TEN1: variants seen among roughly 807,000 people sequenced by gnomAD.
The protein encoded by TEN1 is CST complex subunit TEN1.
In TEN1, 6 loss-of-function variants were observed where a neutral mutation model predicts 9.3. The ratio of observed to expected loss-of-function variants is 0.65; its 90% CI spans 0.35 to 1.27. The LOEUF is 1.27. TEN1 is among the 50% of genes most tolerant of loss of function. TEN1 has a pLI of 0.03. For missense variants in TEN1, 149 were observed against 158.2 expected, an observed-to-expected ratio of 0.94 and a Z score of 0.31; for synonymous variants, 65 against 65.6, an observed-to-expected ratio of 0.99 and a Z score of 0.04.
chr17:75,993,767 C>T (rs914295196), intron 3 of TEN1, among the ~76,000 whole-genome samples: 11 of 152,010 alleles, frequency 7.2e-5, no homozygotes, highest in East Asian at 1.9e-4. Context: ...GAGGCCGAGG[C>T]GGGCGGATCT....
chr17:76,000,485 T>C lies in TEN1; in HGVS notation c.*223T>C. 1 of 649,866 alleles carries C rather than the reference T, an allele frequency of 1.5e-6. No homozygotes were observed. The highest frequency in any genetic ancestry group is 2.4e-5 in the South Asian group (1 of 41,546). The allele number at this position is 649,866 out of a possible 1,614,324, so 40.3% of individuals were successfully genotyped here. On this transcript the variant is annotated 3_prime_UTR_variant, in exon 4 of 4. Transcript: ENST00000397640. The surrounding 1 kb of genome is among the most constrained non-coding windows in gnomAD (Gnocchi z 5.9). ...ATCCGACAGCCCCACCCCAGGAGAC[T>C]GCAGGTGGCCGAGCTTGGGCGCCGG...
In TEN1 at chr17:75,991,468, T is replaced by C; in HGVS notation, c.95T>C (p.Leu32Ser). 1 of 1,552,316 alleles carries C rather than the reference T, an allele frequency of 6.4e-7. No individual in the cohort carries two copies. The highest frequency in any genetic ancestry group is 8.7e-7 in the Non-Finnish European group (1 of 1,147,112). ...ATTGCATTTCTTCTGCCTTCCAGGT[T>C]GTGCCTCTATGACATGATTCAGTCC... ...DGSTLRTFGR[L>S]CLYDMIQSRV... The change falls in exon 3 of 4, where the codon TTG becomes TCG. Residue 32 changes from leucine to serine, a missense_variant and splice_region_variant. By Grantham distance (145) the Leu-to-Ser change is moderately radical. Coordinates refer to ENST00000397640, the MANE Select transcript of TEN1 (RefSeq NM_001113324.3).
intron 1 of TEN1, among the ~76,000 whole-genome samples, chr17:75,981,409 A>C (rs1353084507): frequency 6.6e-6 from 1 of 151,310 alleles, no homozygotes; most frequent in African/African-American, 2.4e-5. Flanking sequence ...CTGGTCTCCA[A>C]CTCCTGGCCT....
chr17:75,986,223 C>A lies in TEN1; in HGVS notation c.31C>A (p.Leu11Ile). Reference protein sequence around the residue: MMLPKPGTYYLPWEVSAGQVP... With the variant: MMLPKPGTYYIPWEVSAGQVP... The stretch of plus-strand genomic sequence containing the variant: ...GCTGCCCAAACCTGGGACCTATTAC[C>A]TCCCCTGGGAGGTTAGTGCAGGCCA... Residue 11 changes from leucine to isoleucine, a missense_variant, in exon 2 of 4, where the codon CTC becomes ATC. Coordinates refer to ENST00000397640, the MANE Select transcript of TEN1 (RefSeq NM_001113324.3). The A allele has an allele frequency of 6.5e-7, 1 of 1,549,510 alleles. No homozygotes were observed. Among genetic ancestry groups the A allele is most frequent in the South Asian group, 1.2e-5 (1 of 83,652 alleles).
At chr17:75,988,133 G>T (rs1230590699) in intron 2 of TEN1, among the ~76,000 whole-genome samples, 1 of 148,260 alleles carries the variant, frequency 6.7e-6, no homozygotes, top group Non-Finnish European at 1.5e-5. Flanking sequence ...CCAGCTATTC[G>T]GGAGGCTGAG....
At chr17:75,991,165 A>AAG (rs1555621609) in intron 2 of TEN1, among the ~76,000 whole-genome samples, 3 of 150,000 alleles carry the variant, frequency 2.0e-5, no homozygotes, top group African/African-American at 4.9e-5. Flanking sequence ...AAAAAAAAAA[A>AAG]AAAGAAAAAA....
In TEN1 at chr17:76,000,342, C is replaced by T. The variant is rs550788253; in HGVS notation, c.*80C>T. On this transcript the variant is annotated 3_prime_UTR_variant, in exon 4 of 4. Transcript: ENST00000397640. The surrounding 1 kb of genome is among the most constrained non-coding windows in gnomAD (Gnocchi z 5.9). ...CTGCAGGAGCCCGGGAGAGCACAGA[C>T]GCCTCCCCAGCGACGGCCTTGTCTG... is the stretch of plus-strand genomic sequence containing the variant. 58 of 1,467,394 alleles carry T rather than the reference C, an allele frequency of 4.0e-5. No individual in the cohort carries two copies. The East Asian group carries it at 6.9e-4, about 17-fold the overall frequency. 90.9% of individuals were successfully genotyped at this position (1,467,394 alleles called of 1,614,324 possible).
chr17:75,979,245 G>C lies in TEN1; in HGVS notation c.-273G>C, dbSNP rs2066092952. On this transcript the variant is annotated 5_prime_UTR_variant, in exon 1 of 4. Coordinates refer to ENST00000397640, the MANE Select transcript of TEN1 (RefSeq NM_001113324.3). ...GCCCCTTCTTTCTCCGTGGCCCTTT[G>C]GCGCGTGAGTGACAGCGGCCCAGAC... The C allele has an allele frequency of 7.9e-6, 7 of 884,248 alleles. No individual in the cohort carries two copies. Among genetic ancestry groups the C allele is most frequent in the Non-Finnish European group, 1.2e-5 (7 of 564,866 alleles). The allele number at this position is 884,248 out of a possible 1,614,324, so 54.8% of individuals were successfully genotyped here.
At chr17:75,985,836 C>CT (rs923740929) in intron 1 of TEN1, among the ~76,000 whole-genome samples, 27 of 145,640 alleles carry the variant, frequency 1.9e-4, no homozygotes, top group Middle Eastern at 3.5e-3. Flanking sequence ...GTTTTTTTTT[C>CT]TTTTTTTTTT....
At chr17:75,991,149 C>CAAAAAAAAAAAAAAAAAAAAAAA (rs71361699) in intron 2 of TEN1, among the ~76,000 whole-genome samples, 35 of 69,988 alleles carry the variant, frequency 5.0e-4, no homozygotes, top group Non-Finnish European at 6.1e-4. Context: ...GACTCCATCT[C>CAAAAAAAAAAAAAAAAAAAAAAA]AAAAAAAAAA....
At position 75,991,568 on chromosome 17, in the gene TEN1, C is replaced by T. The variant is rs1007756493; in HGVS notation, c.195C>T (p.Phe65=). The change falls in exon 3 of 4, where the codon TTC becomes TTT. Residue 65 remains phenylalanine, a synonymous_variant. Coordinates refer to ENST00000397640, the MANE Select transcript of TEN1 (RefSeq NM_001113324.3). The part of the protein sequence containing the change: ...VLVCTKLVEP[F]HAQVGSLYIV... ...TCTGTACCAAGTTGGTGGAGCCCTT[C>T]CACGCCCAGGTGGGCTCCCTGTACA... 2.6e-6 allele frequency: 4 copies of T among 1,552,226 alleles called. No homozygotes were observed. Among genetic ancestry groups the T allele is most frequent in the Middle Eastern group, 1.7e-4 (1 of 5,994 alleles).
At chr17:75,999,826 T>A (rs1411026996) in intron 3 of TEN1, among the ~76,000 whole-genome samples, 1 of 152,018 alleles carries the variant, frequency 6.6e-6, no homozygotes, top group African/African-American at 2.4e-5. Flanking sequence ...TCTCTTGGAT[T>A]TTTAAAATAT....
At chr17:75,988,561 C>CA (rs1189354019) in intron 2 of TEN1, among the ~76,000 whole-genome samples, 9,048 of 28,812 alleles carry the variant, frequency 0.31, 1,978 homozygotes, top group African/African-American at 0.38. Context: ...GATCCTGCCT[C>CA]AAAAAAAAAA....
intron 1 of TEN1, among the ~76,000 whole-genome samples, chr17:75,981,938 A>T (rs567105807): frequency 6.6e-6 from 1 of 152,292 alleles, no homozygotes; most frequent in African/African-American, 2.4e-5. Flanking sequence ...GAGGCAGGAG[A>T]ATCGCTTGAA....
At chr17:75,997,607 T>G (rs2066225429) in intron 3 of TEN1, among the ~76,000 whole-genome samples, 1 of 152,130 alleles carries the variant, frequency 6.6e-6, no homozygotes, top group Non-Finnish European at 1.5e-5. Context: ...GTTACCACAG[T>G]TCTTCCCTGT....
At chr17:75,989,954 C>T (rs2066175387) in intron 2 of TEN1, among the ~76,000 whole-genome samples, 1 of 151,196 alleles carries the variant, frequency 6.6e-6, no homozygotes, top group East Asian at 1.9e-4. Flanking sequence ...GCTGTATTGC[C>T]CAGGCTGGTC....
chr17:75,994,792 G>A (rs2045493632), intron 3 of TEN1, among the ~76,000 whole-genome samples: 1 of 152,096 alleles, frequency 6.6e-6, no homozygotes, highest in Non-Finnish European at 1.5e-5. Context: ...GATTATCTAA[G>A]TCATACACGC....
At chr17:75,994,159 G>T (rs1021235551) in intron 3 of TEN1, among the ~76,000 whole-genome samples, 63 of 152,092 alleles carry the variant, frequency 4.1e-4, no homozygotes, top group African/African-American at 1.4e-3. Flanking sequence ...TTGTCGCTGG[G>T]CGCGGTGGCT....
chr17:76,000,182 G>T lies in TEN1; in HGVS notation c.292G>T (p.Glu98Ter), dbSNP rs768407294. The change falls in exon 4 of 4, where the codon GAG (glutamate) becomes TAG (stop). Residue 98 changes from glutamate to a stop codon, truncating the protein, a stop_gained. Transcript: ENST00000397640. LOFTEE classifies it high-confidence loss of function. This position sits in a 1 kb window ranked among gnomAD's most constrained non-coding sequence, Gnocchi z 5.9. ...VVKARVLTCV[E>*]GMNLPLLEQA... ...GAAGGCGCGCGTGCTGACCTGTGTG[G>T]AGGGGATGAACCTGCCCTTGTTGGA... The T allele has an allele frequency of 5.2e-6, 8 of 1,551,576 alleles. No homozygotes were observed. The South Asian group carries it at 8.3e-5, about 16-fold the overall frequency.
Sources: allele counts gnomAD v4.1 joint callset (sites outside exome capture counted in the v4.1 genomes callset), GRCh38; gene constraint gnomAD v4.1.1; non-coding constraint Gnocchi (gnomAD v3.1); transcripts MANE v1.5; gene names NCBI Gene and HGNC (gene_info 2026-07-23, HGNC 2026-07-21).